SAXO1: variants seen among roughly 807,000 people sequenced by gnomAD.
SAXO1 encodes stabilizer of axonemal microtubules 1.
Under a neutral mutation model 17.5 loss-of-function variants are expected in SAXO1, and 21 were observed. The observed-to-expected ratio is 1.20, with a 90% CI of 0.85 to 1.72. The LOEUF is 1.72. Ranked by LOEUF, SAXO1 falls within the 40% of genes most tolerant of loss-of-function variation. The probability of loss-of-function intolerance (pLI) is 0.00; values close to 1 mark genes in which losing one functional copy is unlikely to be tolerated. For missense variants in SAXO1, 843 were observed against 596.0 expected, an observed-to-expected ratio of 1.41 and a Z score of -4.32; for synonymous variants, 274 against 216.5, an observed-to-expected ratio of 1.27 and a Z score of -2.33.
At chr9:18,980,873 C>T (rs1367973872) in intron 1 of SAXO1, among the ~76,000 whole-genome samples, 1 of 146,264 alleles carries the variant, frequency 6.8e-6, no homozygotes, top group East Asian at 2.1e-4. Flanking sequence ...CATCAGTTAA[C>T]ATCTTGGTAT....
intron 1 of SAXO1, among the ~76,000 whole-genome samples, chr9:18,960,010 G>C (rs1185122005): frequency 2.0e-5 from 3 of 152,210 alleles, no homozygotes; most frequent in Non-Finnish European, 4.4e-5. Context: ...ATCAGGCTGA[G>C]TGGGCACGAG....
rs555377676 is a variant in SAXO1 at position 18,993,035 on chromosome 9, G to A, written c.38+39836C>T. 2.6e-5 allele frequency among the ~76,000 whole-genome samples: 4 copies of A among 152,224 alleles called. No homozygotes were observed. In the East Asian group the frequency reaches 7.7e-4, roughly 29 times the overall value. On this transcript the variant is annotated intron_variant, in intron 1 of 3. Coordinates refer to ENST00000380534, the MANE Select transcript of SAXO1 (RefSeq NM_153707.4). ...GGCTGGTCTTGAACTCCCAGCCTCA[G>A]GTGATCTGCCCACCTAGGCCTTCCA... is the stretch of plus-strand genomic sequence containing the variant.
intron 3 of SAXO1, among the ~76,000 whole-genome samples, chr9:18,932,008 C>T (rs1055717808): frequency 4.6e-5 from 7 of 152,146 alleles, no homozygotes; most frequent in Non-Finnish European, 1.0e-4. Context: ...TGACACCTGA[C>T]TCTTTTCATT....
chr9:18,948,480 A>T (rs1320616396), intron 2 of SAXO1, among the ~76,000 whole-genome samples: 2 of 152,162 alleles, frequency 1.3e-5, no homozygotes, highest in African/African-American at 4.8e-5. Context: ...CCTCTACTTT[A>T]GCCACATTTG....
chr9:18,978,145 T>C (rs1588470387), intron 1 of SAXO1, among the ~76,000 whole-genome samples: 2 of 151,918 alleles, frequency 1.3e-5, no homozygotes, highest in Admixed American at 1.3e-4. Context: ...TGTACTCAAC[T>C]ACCAGCTCTC....
At chr9:18,993,976 C>T (rs1333437478) in intron 1 of SAXO1, among the ~76,000 whole-genome samples, 1 of 152,136 alleles carries the variant, frequency 6.6e-6, no homozygotes, top group Admixed American at 6.5e-5. Context: ...GAAAGGCGAA[C>T]CTACAAAATG....
At chr9:18,981,449 T>G (rs1045555137) in intron 1 of SAXO1, among the ~76,000 whole-genome samples, 3 of 152,126 alleles carry the variant, frequency 2.0e-5, no homozygotes, top group Admixed American at 2.0e-4. Flanking sequence ...TACCCCCTTT[T>G]CCAGAGGGGC....
At chr9:18,953,221 A>G (rs7048198) in intron 1 of SAXO1, among the ~76,000 whole-genome samples, 86,042 of 152,098 alleles carry the variant, frequency 0.57, 27,124 homozygotes, top group Non-Finnish European at 0.71. Context: ...TCAGGCACTT[A>G]TAATAAAATG....
Position 18,944,577 on chromosome 9 carries a change from G to C in SAXO1, c.219-2738C>G, listed in dbSNP as rs534440586. On this transcript the variant is annotated intron_variant, in intron 2 of 3. Transcript: ENST00000380534. ...GACATGAACCAAGAAAAAGAAACTG[G>C]TCAGAGAAGTAAGTTTCTTTTAGGT... Among the ~76,000 whole-genome samples the C allele has an allele frequency of 2.2e-3, 334 of 152,312 alleles. 2 individuals are homozygous for C. Among genetic ancestry groups the C allele is most frequent in the African/African-American group, 7.6e-3 (314 of 41,552 alleles).
chr9:19,029,113 C>A (rs1420440969), intron 1 of SAXO1, among the ~76,000 whole-genome samples: 1 of 152,206 alleles, frequency 6.6e-6, no homozygotes, highest in Non-Finnish European at 1.5e-5. Flanking sequence ...CAGCTGTGGG[C>A]AGCTGCTCCT....
intron 1 of SAXO1, among the ~76,000 whole-genome samples, chr9:18,961,813 T>C (rs775577927): frequency 2.1e-4 from 32 of 152,322 alleles, no homozygotes; most frequent in Non-Finnish European, 4.1e-4. Flanking sequence ...TGCATGTGTC[T>C]TTATAGTAGA....
At chr9:18,959,346 G>A (rs1217937077) in intron 1 of SAXO1, among the ~76,000 whole-genome samples, 2 of 152,174 alleles carry the variant, frequency 1.3e-5, no homozygotes, top group African/African-American at 4.8e-5. Flanking sequence ...GGACTGGCAA[G>A]AAGGCATGAT....
At chr9:18,933,963 G>T (rs1425017672) in intron 3 of SAXO1, among the ~76,000 whole-genome samples, 1 of 152,148 alleles carries the variant, frequency 6.6e-6, no homozygotes, top group Non-Finnish European at 1.5e-5. Flanking sequence ...GGAGAATGGT[G>T]TGAACCCGGG....
intron 3 of SAXO1, among the ~76,000 whole-genome samples, chr9:18,938,922 A>C (rs1831428859): frequency 6.6e-6 from 1 of 151,308 alleles, no homozygotes; most frequent in Non-Finnish European, 1.5e-5. Flanking sequence ...TTTAAATGCT[A>C]CATATAGACC....
chr9:18,953,638 G>A (rs1246096540), intron 1 of SAXO1, among the ~76,000 whole-genome samples: 1 of 152,098 alleles, frequency 6.6e-6, no homozygotes, highest in Non-Finnish European at 1.5e-5. Context: ...TGAATGCCCT[G>A]AATACCCCTC....
At chr9:19,003,166 C>T (rs1026724934) in intron 1 of SAXO1, among the ~76,000 whole-genome samples, 5 of 152,134 alleles carry the variant, frequency 3.3e-5, no homozygotes, top group African/African-American at 1.2e-4. Context: ...GAATAAAATA[C>T]CTAGGAATCC....
At chr9:18,967,186 C>G (rs1173558485) in intron 1 of SAXO1, among the ~76,000 whole-genome samples, 1 of 152,214 alleles carries the variant, frequency 6.6e-6, no homozygotes, top group African/African-American at 2.4e-5. Flanking sequence ...CTGTCTACCC[C>G]TGCTGGGAGG....
At chr9:19,026,806 G>A (rs1835493107) in intron 1 of SAXO1, 6 of 505,956 alleles carry the variant, frequency 1.2e-5, no homozygotes, top group Non-Finnish European at 1.9e-5. Context: ...TGAGGTGGGT[G>A]GATCACAAGG....
intron 1 of SAXO1, among the ~76,000 whole-genome samples, chr9:18,983,082 G>T (rs1165654193): frequency 6.6e-6 from 1 of 151,550 alleles, no homozygotes; most frequent in Admixed American, 6.6e-5. Context: ...GAAGAAAAAA[G>T]GAAAGGAAAA....
Sources: allele counts gnomAD v4.1 joint callset (sites outside exome capture counted in the v4.1 genomes callset), GRCh38; gene constraint gnomAD v4.1.1; transcripts MANE v1.5; gene names NCBI Gene and HGNC (gene_info 2026-07-23, HGNC 2026-07-21).